ADSS1: variants seen among roughly 807,000 people sequenced by gnomAD.
The protein encoded by ADSS1 is adenylosuccinate synthetase isozyme 1.
In ADSS1, 57 loss-of-function variants were observed where a neutral mutation model predicts 59.1. The observed-to-expected ratio is 0.97, with a 90% CI of 0.78 to 1.20. ADSS1 has a LOEUF of 1.20. ADSS1 is among the 50% of genes most tolerant of loss of function. The probability of loss-of-function intolerance (pLI) is 0.00; values close to 1 mark genes in which losing one functional copy is unlikely to be tolerated. For synonymous variants in ADSS1, 247 were observed against 249.4 expected (o/e 0.99, Z 0.09); for missense variants, 603 against 610.3 (o/e 0.99, Z 0.13).
chr14:104,733,015 G>A (rs989281665), intron 1 of ADSS1, among the ~76,000 whole-genome samples: 30 of 152,244 alleles, frequency 2.0e-4, no homozygotes, highest in Middle Eastern at 3.4e-3. Flanking sequence ...CTGACTCAGC[G>A]TCTGCTGAGC....
chr14:104,746,768 C>T (rs1357004641), intron 12 of ADSS1, 183 bp from the exon 13 acceptor site: 11 of 630,680 alleles, frequency 1.7e-5, no homozygotes, highest in Admixed American at 1.2e-4. Context: ...TTTTCCGCTG[C>T]GGGAGGATCA....
chr14:104,747,120 C>A lies in ADSS1; in HGVS notation c.*117C>A. 1.1e-6 allele frequency: 1 copy of A among 893,838 alleles called. No homozygotes were observed. The highest frequency in any genetic ancestry group is 1.7e-6 in the Non-Finnish European group (1 of 598,052). The allele number at this position is 893,838 out of a possible 1,614,324, so 55.4% of individuals were successfully genotyped here. On this transcript the variant is annotated 3_prime_UTR_variant, in exon 13 of 13. Transcript: ENST00000330877. The stretch of plus-strand genomic sequence containing the variant: ...CAAAGCAGGAAAACCATTTTCTGTA[C>A]TTTTATATTTCTGTTCAACCTGTTG...
chr14:104,732,248 C>T (rs1004304053), intron 1 of ADSS1, among the ~76,000 whole-genome samples: 3 of 152,188 alleles, frequency 2.0e-5, no homozygotes, highest in Admixed American at 2.0e-4. Flanking sequence ...TACCAGTTTT[C>T]CTTTGTTCCC....
At position 104,724,416 on chromosome 14, in the gene ADSS1, T is replaced by C; in HGVS notation, c.146T>C (p.Val49Ala). The C allele has an allele frequency of 7.9e-7, 1 of 1,264,594 alleles. No homozygotes were observed. The highest frequency in any genetic ancestry group is 1.0e-6 in the Non-Finnish European group (1 of 999,732). 78.3% of individuals were successfully genotyped at this position (1,264,594 alleles called of 1,614,324 possible). ...TGGGGGGACGAGGGCAAAGGCAAGGTGGTGGACCTGCTGGCCACGGACGCC... is the reference window on the plus strand; with the variant it reads ...TGGGGGGACGAGGGCAAAGGCAAGGCGGTGGACCTGCTGGCCACGGACGCC... ...AQWGDEGKGK[V>A]VDLLATDADI... Residue 49 changes from valine (V) to alanine (A), a missense_variant, in exon 1 of 13, where the codon GTG (valine) becomes GCG (alanine). Physicochemically the swap from Val to Ala is moderately conservative, Grantham distance 64 (BLOSUM62 0). Coordinates refer to ENST00000330877, the MANE Select transcript of ADSS1 (RefSeq NM_152328.5).
At position 104,740,615 on chromosome 14, in the gene ADSS1, A is replaced by T. The variant is rs776483145; in HGVS notation, c.491A>T (p.Lys164Met). 6.2e-7 allele frequency: 1 copy of T among 1,613,920 alleles called. No individual in the cohort carries two copies. Among genetic ancestry groups the T allele is most frequent in the Non-Finnish European group, 8.5e-7 (1 of 1,180,012 alleles). ...AQEGKNIGTT[K>M]KGIGPTYSSK... Reference sequence around the variant, plus strand: ...CCATCTTTCAGTATAGGCACCACCAAGAAGGGAATCGGACCAACCTACTCT... The same window carrying T: ...CCATCTTTCAGTATAGGCACCACCATGAAGGGAATCGGACCAACCTACTCT... Residue 164 changes from lysine to methionine, a missense_variant, in exon 6 of 13, where the codon AAG (lysine) becomes ATG (methionine). Transcript: ENST00000330877. The surrounding 1 kb of genome is among the most constrained non-coding windows in gnomAD (Gnocchi z 4.8).
rs1054377017 is a variant in ADSS1, at chr14:104,724,608, C to T, written c.192+146C>T. ...CGGGAGCACCTTTCCCAGGGCCACC[C>T]CACCCACGCACGCACACGCACCACT... On this transcript the variant is annotated intron_variant, in intron 1 of 12. Coordinates refer to ENST00000330877, the MANE Select transcript of ADSS1 (RefSeq NM_152328.5). 1.1e-4 allele frequency: 120 copies of T among 1,097,422 alleles called. No homozygotes were observed. The African/African-American group carries it at 1.8e-3, about 16-fold the overall frequency. The allele number at this position is 1,097,422 out of a possible 1,614,324, so 68.0% of individuals were successfully genotyped here.
chr14:104,726,191 C>G (rs1282746264), intron 1 of ADSS1, among the ~76,000 whole-genome samples: 1 of 152,228 alleles, frequency 6.6e-6, no homozygotes, highest in Non-Finnish European at 1.5e-5. Flanking sequence ...ACACCTGTCC[C>G]CCTGCAGCCT....
At position 104,724,240 on chromosome 14, in the gene ADSS1, C is replaced by T. The variant is rs570126709; in HGVS notation, c.-31C>T. ...ACGCCGGCGGCGGCGGGCTCCTGGC[C>T]GGGCCAGCGCAGCGGAAGAGCCAAG... On this transcript the variant is annotated 5_prime_UTR_variant, in exon 1 of 13. Transcript: ENST00000330877. 1,908 of 1,222,870 alleles carry T rather than the reference C, an allele frequency of 1.6e-3. 30 individuals carry two copies. In the African/African-American group the frequency reaches 0.026, roughly 16 times the overall value. The allele number at this position is 1,222,870 out of a possible 1,614,324, so 75.8% of individuals were successfully genotyped here. A position where few individuals can be genotyped will look rare whatever the true frequency, so the allele number is the denominator to read the frequency against.
chr14:104,734,099 C>T (rs1891030136), intron 1 of ADSS1, among the ~76,000 whole-genome samples: 1 of 152,236 alleles, frequency 6.6e-6, no homozygotes, highest in African/African-American at 2.4e-5. Context: ...CCATCATGGG[C>T]CATCAGAGAT....
rs765714710 is a variant in ADSS1, at chr14:104,743,174, G to T, written c.1056G>T (p.Met352Ile). 6.2e-7 allele frequency: 1 copy of T among 1,611,632 alleles called. No individual in the cohort carries two copies. Among genetic ancestry groups the T allele is most frequent in the Non-Finnish European group, 8.5e-7 (1 of 1,179,980 alleles). Reference sequence around the variant, plus strand: ...TGATGATTCTAAGATATGCTCACATGGTCAACGGATTCACTGCGTAAGCAA... The same window carrying T: ...TGATGATTCTAAGATATGCTCACATTGTCAACGGATTCACTGCGTAAGCAA... ...LDLMILRYAH[M>I]VNGFTALALT... is the part of the protein sequence containing the mutation. The change falls in exon 10 of 13, where the codon ATG (methionine) becomes ATT (isoleucine). Residue 352 changes from methionine (M) to isoleucine (I), a missense_variant. Coordinates refer to ENST00000330877, the MANE Select transcript of ADSS1 (RefSeq NM_152328.5).
In ADSS1 at chr14:104,747,009, G is replaced by T; in HGVS notation, c.*6G>T. ...CGATGATCCAGCTGTTTTAGTCACA[G>T]ACTGAGCTGATCCCAACAGGCCCTG... On this transcript the variant is annotated 3_prime_UTR_variant, in exon 13 of 13. Coordinates refer to ENST00000330877, the MANE Select transcript of ADSS1 (RefSeq NM_152328.5). 1 of 1,613,564 alleles carries T rather than the reference G, an allele frequency of 6.2e-7. No homozygotes were observed. Among genetic ancestry groups the T allele is most frequent in the South Asian group, 1.1e-5 (1 of 91,018 alleles).
At chr14:104,746,212 T>G in intron 11 of ADSS1, 24 bp from the exon 12 acceptor site, 1 of 1,588,670 alleles carries the variant, frequency 6.3e-7, no homozygotes, top group Non-Finnish European at 8.6e-7. Context: ...TGGGCCCCAC[T>G]CATCTCCTGT....
chr14:104,735,160 G>C (rs771791003), intron 2 of ADSS1, 38 bp downstream of exon 2: 1 of 1,549,564 alleles, frequency 6.5e-7, no homozygotes, highest in African/African-American at 1.4e-5. Context: ...GAGCAGGAAA[G>C]GGGGTGTCAG....
chr14:104,734,884 C>G, intron 1 of ADSS1, 136 bp from the exon 2 acceptor site: 1 of 688,302 alleles, frequency 1.5e-6, no homozygotes, highest in Non-Finnish European at 2.6e-6. Flanking sequence ...CGCATCAGAG[C>G]TGGCCACCAA....
chr14:104,736,425 G>A (rs909714480), intron 2 of ADSS1, among the ~76,000 whole-genome samples: 3 of 152,268 alleles, frequency 2.0e-5, no homozygotes, highest in Admixed American at 6.5e-5. Flanking sequence ...GGCAGGACGT[G>A]CCAGGGCTCA....
rs762329704 is a variant in ADSS1 at position 104,741,201 on chromosome 14, C to G, written c.751C>G (p.Leu251Val). The part of the protein sequence containing the change: ...EALHGPPKKI[L>V]VEGANAALLD... ...ACTCCACGGCCCCCCCAAGAAGATC[C>G]TGGTGGAGGGTGCCAACGCCGCCCT... The change falls in exon 8 of 13, where the codon CTG (leucine) becomes GTG (valine). Residue 251 changes from leucine to valine, a missense_variant. Coordinates refer to ENST00000330877, the MANE Select transcript of ADSS1 (RefSeq NM_152328.5). 6.3e-5 allele frequency: 101 copies of G among 1,611,398 alleles called. No homozygotes were observed. The highest frequency in any genetic ancestry group is 7.4e-5 in the Non-Finnish European group (87 of 1,178,882).
intron 1 of ADSS1, among the ~76,000 whole-genome samples, chr14:104,724,866 T>A (rs1890674844): frequency 6.6e-6 from 1 of 151,910 alleles, no homozygotes; most frequent in Non-Finnish European, 1.5e-5. Context: ...TCATTTACAG[T>A]GATCACCTGG....
chr14:104,732,028 C>G (rs999264669), intron 1 of ADSS1, among the ~76,000 whole-genome samples: 1 of 152,208 alleles, frequency 6.6e-6, no homozygotes, highest in African/African-American at 2.4e-5. Context: ...GCCCTGCACA[C>G]CGTGCTGAGA....
At position 104,740,937 on chromosome 14, in the gene ADSS1, A is replaced by G. The variant is rs1360408639; in HGVS notation, c.666+17A>G. On this transcript the variant is annotated intron_variant, in intron 7 of 12. Coordinates refer to ENST00000330877, the MANE Select transcript of ADSS1 (RefSeq NM_152328.5). This position sits in a 1 kb window ranked among gnomAD's most constrained non-coding sequence, Gnocchi z 4.8. Reference sequence around the variant, plus strand: ...AGGCTCAAGGTGAAGTCGGGGCCGCAGTGTGGGGGCTGCGGAAGTGCTCCT... The same window carrying G: ...AGGCTCAAGGTGAAGTCGGGGCCGCGGTGTGGGGGCTGCGGAAGTGCTCCT... 7 of 1,613,678 alleles carry G rather than the reference A, an allele frequency of 4.3e-6. No homozygotes were observed. In the South Asian group the frequency reaches 4.4e-5, roughly 10 times the overall value.
Sources: allele counts gnomAD v4.1 joint callset (sites outside exome capture counted in the v4.1 genomes callset), GRCh38; gene constraint gnomAD v4.1.1; non-coding constraint Gnocchi (gnomAD v3.1); transcripts MANE v1.5; gene names NCBI Gene and HGNC (gene_info 2026-07-23, HGNC 2026-07-21).